PAG1: variants seen among roughly 807,000 people sequenced by gnomAD.
PAG1 encodes phosphoprotein membrane anchor with glycosphingolipid microdomains 1.
In PAG1, 23 loss-of-function variants were observed where a neutral mutation model predicts 31.7. That is an observed-to-expected ratio of 0.73 (90% CI 0.52 to 1.03). The LOEUF (loss-of-function observed/expected upper bound fraction) is 1.03. Among genes scored for constraint, PAG1 ranks in the 50% least tolerant of loss-of-function variants. The pLI is 0.00. For synonymous variants in PAG1, 214 were observed against 210.3 expected, an observed-to-expected ratio of 1.02 and a Z score of -0.15; for missense variants, 473 against 540.7, an observed-to-expected ratio of 0.87 and a Z score of 1.24.
chr8:80,991,578 A>C (rs749546645), intron 4 of PAG1, 48 bp from the exon 5 acceptor site: 6 of 1,316,164 alleles, frequency 4.6e-6, no homozygotes, highest in Admixed American at 1.7e-5. Context: ...CCCCCTTAAA[A>C]TCAAGCGCAC....
chr8:81,104,881 A>G (rs909657992), intron 1 of PAG1, among the ~76,000 whole-genome samples: 4 of 152,096 alleles, frequency 2.6e-5, no homozygotes, highest in African/African-American at 9.7e-5. Context: ...AAATTCATCT[A>G]CAAAACTAAA....
chr8:81,067,610 G>A (rs918409097), intron 2 of PAG1: 2 of 152,180 alleles, frequency 1.3e-5, no homozygotes, highest in African/African-American at 2.4e-5. Context: ...GATCAAATGC[G>A]AGACAAAAGC....
At chr8:81,079,379 A>G (rs1809229500) in intron 1 of PAG1, among the ~76,000 whole-genome samples, 1 of 152,290 alleles carries the variant, frequency 6.6e-6, no homozygotes, top group Non-Finnish European at 1.5e-5. Context: ...TTGCAGGACT[A>G]TTATCCTCAG....
At chr8:81,028,669 A>C (rs1170030461) in intron 3 of PAG1, among the ~76,000 whole-genome samples, 3 of 152,236 alleles carry the variant, frequency 2.0e-5, no homozygotes, top group African/African-American at 7.2e-5. Context: ...AAGCTATTAA[A>C]ATAGATTTTT....
intron 2 of PAG1, chr8:81,039,563 T>C (rs1808519567): frequency 6.6e-6 from 1 of 152,236 alleles, no homozygotes; most frequent in Non-Finnish European, 1.5e-5. Context: ...CAATCAATTC[T>C]GGATGTTTAA....
intron 3 of PAG1, among the ~76,000 whole-genome samples, chr8:80,997,203 A>G (rs756895242): frequency 1.4e-4 from 21 of 152,216 alleles, no homozygotes; most frequent in Non-Finnish European, 2.6e-4. Flanking sequence ...GAAGACATTT[A>G]AGTCTATTTC....
rs1407109253 is a variant in PAG1 at position 80,973,860 on chromosome 8, T to C, written c.*2684A>G. On this transcript the variant is annotated 3_prime_UTR_variant, in exon 9 of 9. Transcript: ENST00000220597. ...TCAGTAAAATATCCAGTGCTCCAAA[T>C]AGCTGAGCCATCTTTCTAAGGTTCA... is the stretch of plus-strand genomic sequence containing the variant. 2 of 152,194 alleles carry C rather than the reference T, an allele frequency of 1.3e-5. No homozygotes were observed. Among genetic ancestry groups the C allele is most frequent in the African/African-American group, 4.8e-5 (2 of 41,440 alleles). The allele number at this position is 152,194 out of a possible 1,614,324, so 9.4% of individuals were successfully genotyped here.
At chr8:81,094,167 C>T (rs963017389) in intron 1 of PAG1, among the ~76,000 whole-genome samples, 5 of 152,062 alleles carry the variant, frequency 3.3e-5, no homozygotes, top group African/African-American at 7.3e-5. Context: ...TCTACCTATA[C>T]CCCAGGAGGG....
chr8:81,051,310 A>G (rs921606930), intron 2 of PAG1, among the ~76,000 whole-genome samples: 2 of 152,220 alleles, frequency 1.3e-5, no homozygotes, highest in African/African-American at 4.8e-5. Flanking sequence ...GCCCTTTAAA[A>G]ACGACTTAAG....
In PAG1 at chr8:80,987,362, G is replaced by A. The variant is rs374032258; in HGVS notation, c.274+8C>T. The stretch of plus-strand genomic sequence containing the variant: ...TGTGTGGAAAGCTGGTGTTTTTGCA[G>A]AACTTACTGTCCCCATTGGTGAGTG... On this transcript the variant is annotated splice_region_variant and intron_variant, in intron 6 of 8. Coordinates refer to ENST00000220597, the MANE Select transcript of PAG1 (RefSeq NM_018440.4). 290 of 1,588,972 alleles carry A rather than the reference G, an allele frequency of 1.8e-4. 1 individual carries two copies. Among genetic ancestry groups the A allele is most frequent in the Middle Eastern group, 8.3e-4 (5 of 6,024 alleles).
At chr8:81,110,770 TAGG>T (rs1468699752) in intron 1 of PAG1, among the ~76,000 whole-genome samples, 2 of 152,228 alleles carry the variant, frequency 1.3e-5, no homozygotes, top group Non-Finnish European at 2.9e-5. Context: ...TGCTCCCTAT[TAGG>T]AGAAGACACT....
chr8:81,054,963 T>C (rs1449170708), intron 2 of PAG1, among the ~76,000 whole-genome samples: 2 of 152,162 alleles, frequency 1.3e-5, no homozygotes, highest in Admixed American at 6.5e-5. Flanking sequence ...AATGTGGCCA[T>C]TATAATTATT....
At chr8:80,991,858 C>CTT (rs11303470) in intron 4 of PAG1, among the ~76,000 whole-genome samples, 48 of 138,792 alleles carry the variant, frequency 3.5e-4, no homozygotes, top group East Asian at 3.3e-3. Flanking sequence ...TAAGTTATAC[C>CTT]TTTTTTTTTT....
At chr8:81,033,049 G>C (rs1808401808) in intron 2 of PAG1, among the ~76,000 whole-genome samples, 1 of 152,152 alleles carries the variant, frequency 6.6e-6, no homozygotes, top group African/African-American at 2.4e-5. Flanking sequence ...GTGTTCCTTA[G>C]GGCTAGGGGA....
At chr8:81,028,732 C>G (rs1024404468) in intron 3 of PAG1, among the ~76,000 whole-genome samples, 6 of 152,214 alleles carry the variant, frequency 3.9e-5, no homozygotes, top group Non-Finnish European at 8.8e-5. Context: ...TCCCACTGCT[C>G]TGCTATTTTC....
chr8:81,002,006 C>T (rs2130594971), intron 3 of PAG1, among the ~76,000 whole-genome samples: 1 of 152,352 alleles, frequency 6.6e-6, no homozygotes, highest in South Asian at 2.1e-4. Flanking sequence ...GGTACACCCA[C>T]TGCTTACTCC....
chr8:80,978,243 A>C (rs1437983389), intron 8 of PAG1, among the ~76,000 whole-genome samples: 1 of 152,218 alleles, frequency 6.6e-6, no homozygotes, highest in Non-Finnish European at 1.5e-5. Flanking sequence ...TGTTGATCTG[A>C]CTATCCTAAT....
intron 3 of PAG1, among the ~76,000 whole-genome samples, chr8:81,027,057 CTGGAG>C (rs1453705885): frequency 1.3e-5 from 2 of 152,012 alleles, no homozygotes; most frequent in African/African-American, 4.8e-5. Flanking sequence ...GTCACTCAGA[CTGGAG>C]TGGAGTGGTA....
chr8:81,045,806 C>A (rs560121129), intron 2 of PAG1, among the ~76,000 whole-genome samples: 2 of 152,238 alleles, frequency 1.3e-5, no homozygotes, highest in Non-Finnish European at 2.9e-5. Flanking sequence ...AACATCCACA[C>A]AGACAAAATA....
Sources: allele counts gnomAD v4.1 joint callset (sites outside exome capture counted in the v4.1 genomes callset), GRCh38; gene constraint gnomAD v4.1.1; transcripts MANE v1.5; gene names NCBI Gene and HGNC (gene_info 2026-07-23, HGNC 2026-07-21).